ZNF804B: variants seen among roughly 807,000 people sequenced by gnomAD.
ZNF804B encodes the protein zinc finger protein 804B, also known as zinc finger 804B.
A neutral mutation model predicts 101.4 loss-of-function variants in ZNF804B; 80 were observed. The ratio of observed to expected loss-of-function variants is 0.79; its 90% confidence interval spans 0.66 to 0.95. The LOEUF is 0.95. Ranked by LOEUF, ZNF804B falls within the 40% of genes least tolerant of loss-of-function variation. ZNF804B has a pLI of 0.00. For missense variants in ZNF804B, 1,673 were observed against 1,561.9 expected (o/e 1.07, Z -1.20); for synonymous variants, 622 against 558.8 (o/e 1.11, Z -1.59).
rs774321079 is a variant in ZNF804B at position 89,333,544 on chromosome 7, C to G, written c.562C>G (p.Arg188Gly). Residue 188 changes from arginine (R) to glycine (G), a missense_variant, in exon 4 of 4, where the codon CGA becomes GGA. Coordinates refer to ENST00000333190, the MANE Select transcript of ZNF804B (RefSeq NM_181646.5). ...TAAACAGCGGTCCACCATGCCAAAT[C>G]GACACCAATTACAATCAGACAGGCG... ...SDKQRSTMPN[R>G]HQLQSDRRCL... is the part of the protein sequence containing the mutation. 1 of 1,613,470 alleles carries G rather than the reference C, an allele frequency of 6.2e-7. No individual in the cohort carries two copies. Among genetic ancestry groups the G allele is most frequent in the Non-Finnish European group, 8.5e-7 (1 of 1,179,648 alleles).
chr7:88,906,661 T>G (rs1334303991), intron 1 of ZNF804B, among the ~76,000 whole-genome samples: 1 of 152,132 alleles, frequency 6.6e-6, no homozygotes, highest in Non-Finnish European at 1.5e-5. Context: ...AAGCATGTGG[T>G]CAATCTTAGG....
At chr7:88,873,936 T>C (rs1791881870) in intron 1 of ZNF804B, among the ~76,000 whole-genome samples, 1 of 152,180 alleles carries the variant, frequency 6.6e-6, no homozygotes. Context: ...TGGCTTAGGA[T>C]TGACTTGGCA....
intron 1 of ZNF804B, among the ~76,000 whole-genome samples, chr7:89,003,109 A>G (rs77286938): frequency 0.09 from 13,671 of 151,494 alleles, 668 homozygotes; most frequent in East Asian, 0.17. Context: ...GATCCCTTTC[A>G]GTTTCATTTT....
At chr7:89,028,099 C>T (rs1289193111) in intron 1 of ZNF804B, among the ~76,000 whole-genome samples, 1 of 152,074 alleles carries the variant, frequency 6.6e-6, no homozygotes. Context: ...ACCTTTGAAA[C>T]ATTTGAGTGG....
chr7:88,832,648 AT>A (rs904271600), intron 1 of ZNF804B, among the ~76,000 whole-genome samples: 5 of 151,752 alleles, frequency 3.3e-5, no homozygotes, highest in African/African-American at 9.7e-5. Context: ...AATAGATTTG[AT>A]TTTTTTATGG....
chr7:88,836,088 G>C (rs899259850), intron 1 of ZNF804B, among the ~76,000 whole-genome samples: 1 of 151,912 alleles, frequency 6.6e-6, no homozygotes, highest in African/African-American at 2.4e-5. Context: ...GGACAGCCAA[G>C]GTATATACAA....
At chr7:88,937,670 A>G (rs1792993688) in intron 1 of ZNF804B, among the ~76,000 whole-genome samples, 1 of 149,424 alleles carries the variant, frequency 6.7e-6, no homozygotes, top group Non-Finnish European at 1.5e-5. Flanking sequence ...AGATATCCAA[A>G]AGAAAAAAAA....
intron 1 of ZNF804B, among the ~76,000 whole-genome samples, chr7:88,998,350 G>A (rs1227520516): frequency 2.0e-5 from 3 of 152,036 alleles, no homozygotes; most frequent in Non-Finnish European, 4.4e-5. Context: ...CAGAATGAAA[G>A]CATGCATGCA....
intron 1 of ZNF804B, among the ~76,000 whole-genome samples, chr7:88,883,644 T>TA (rs1792076556): frequency 6.6e-6 from 1 of 152,102 alleles, no homozygotes. Flanking sequence ...AATCAAATCA[T>TA]ATGCTTGTTA....
intron 2 of ZNF804B, among the ~76,000 whole-genome samples, chr7:89,281,266 G>GA (rs1373220950): frequency 1.3e-5 from 2 of 152,046 alleles, no homozygotes; most frequent in Non-Finnish European, 2.9e-5. Flanking sequence ...TCCCAGGGGA[G>GA]AAAAAACCAA....
chr7:88,878,763 T>C (rs1341586510), intron 1 of ZNF804B, among the ~76,000 whole-genome samples: 1 of 152,182 alleles, frequency 6.6e-6, no homozygotes. Context: ...TAGTAAAATC[T>C]TAATGAGATA....
chr7:89,307,203 G>C (rs1790578358), intron 2 of ZNF804B, among the ~76,000 whole-genome samples: 1 of 151,734 alleles, frequency 6.6e-6, no homozygotes, highest in Non-Finnish European at 1.5e-5. Flanking sequence ...AACTTTCTTA[G>C]TGCCTCTGCA....
At chr7:89,070,724 A>G (rs1789523263) in intron 1 of ZNF804B, among the ~76,000 whole-genome samples, 1 of 152,114 alleles carries the variant, frequency 6.6e-6, no homozygotes, top group Non-Finnish European at 1.5e-5. Flanking sequence ...TCAATGGCAA[A>G]TTTTATAAGG....
chr7:88,826,357 C>T (rs931191396), intron 1 of ZNF804B, among the ~76,000 whole-genome samples: 15 of 152,240 alleles, frequency 9.9e-5, no homozygotes, highest in African/African-American at 3.6e-4. Flanking sequence ...CCTGCAACTA[C>T]TTTTCCTCAT....
chr7:88,987,069 A>G (rs1336674639), intron 1 of ZNF804B, among the ~76,000 whole-genome samples: 1 of 152,058 alleles, frequency 6.6e-6, no homozygotes, highest in African/African-American at 2.4e-5. Context: ...TGCCTTTCCC[A>G]TAAGGATGGC....
chr7:88,946,288 T>A (rs1012487389), intron 1 of ZNF804B, among the ~76,000 whole-genome samples: 1 of 151,998 alleles, frequency 6.6e-6, no homozygotes, highest in African/African-American at 2.4e-5. Flanking sequence ...TGAGAGTTTT[T>A]TTTTTTAGCA....
At chr7:89,072,078 T>A (rs1789552182) in intron 1 of ZNF804B, among the ~76,000 whole-genome samples, 1 of 152,162 alleles carries the variant, frequency 6.6e-6, no homozygotes, top group Admixed American at 6.5e-5. Context: ...GGTCTGACTT[T>A]TAGCTCTTCT....
intron 1 of ZNF804B, among the ~76,000 whole-genome samples, chr7:89,161,140 C>T (rs1010663617): frequency 1.3e-5 from 2 of 151,996 alleles, no homozygotes; most frequent in Non-Finnish European, 2.9e-5. Flanking sequence ...TGAGAGCTGA[C>T]TCCTACAACT....
Position 89,327,429 on chromosome 7 carries a change from T to G in ZNF804B, c.335T>G (p.Leu112Arg), listed in dbSNP as rs1351277612. ...GATGAGAAAAAACAAGAAAAAGCAC[T>G]TAAACGACTTCATCAGCTGGCTGAG... The part of the protein sequence containing the change: ...WKDEKKQEKA[L>R]KRLHQLAELR... Residue 112 changes from leucine (L) to arginine (R), a missense_variant, in exon 3 of 4, where the codon CTT becomes CGT. By Grantham distance (102) the Leu-to-Arg change is moderately radical. Coordinates refer to ENST00000333190, the MANE Select transcript of ZNF804B (RefSeq NM_181646.5). The G allele has an allele frequency of 1.2e-6, 2 of 1,611,566 alleles. No individual in the cohort carries two copies. Among genetic ancestry groups the G allele is most frequent in the Admixed American group, 3.3e-5 (2 of 59,776 alleles).
Sources: allele counts gnomAD v4.1 joint callset (sites outside exome capture counted in the v4.1 genomes callset), GRCh38; gene constraint gnomAD v4.1.1; transcripts MANE v1.5; gene names NCBI Gene and HGNC (gene_info 2026-07-23, HGNC 2026-07-21).